Variants in DNAH6 observed in about 807,000 individuals in gnomAD.
The protein encoded by DNAH6 is dynein axonemal heavy chain 6.
DNAH6 carries 340 observed loss-of-function variants against 491.4 expected under a neutral mutation model. The ratio of observed to expected loss-of-function variants is 0.69; its 90% CI spans 0.63 to 0.76. DNAH6 has a LOEUF of 0.76. DNAH6 is among the 30% of genes least tolerant of loss of function. The pLI is 0.00. For synonymous variants in DNAH6, 1,603 were observed against 1,686.1 expected (o/e 0.95, Z 1.21); for missense variants, 4,443 against 4,972.2 (o/e 0.89, Z 3.20).
intron 42 of DNAH6, among the ~76,000 whole-genome samples, chr2:84,683,238 A>C (rs563390352): frequency 1.3e-5 from 2 of 152,202 alleles, no homozygotes; most frequent in Non-Finnish European, 2.9e-5. Context: ...CTGTATGCTT[A>C]GTTCACCACT....
intron 68 of DNAH6, among the ~76,000 whole-genome samples, chr2:84,788,724 T>C: frequency 6.6e-6 from 1 of 152,130 alleles, no homozygotes; most frequent in East Asian, 1.9e-4. Flanking sequence ...GTGGCACCCA[T>C]CCACTGTTCC....
At chr2:84,750,321 C>T (rs1227532413) in intron 63 of DNAH6, among the ~76,000 whole-genome samples, 1 of 151,286 alleles carries the variant, frequency 6.6e-6, no homozygotes, top group Non-Finnish European at 1.5e-5. Context: ...TAGCTGGGAC[C>T]ACAGACATGT....
intron 2 of DNAH6, among the ~76,000 whole-genome samples, chr2:84,524,563 T>G (rs1455271090): frequency 2.6e-5 from 4 of 152,124 alleles, no homozygotes; most frequent in Non-Finnish European, 5.9e-5. Flanking sequence ...GTTTTTGTAT[T>G]GGCTGGTAAT....
At chr2:84,579,936 G>T (rs1259387713) in intron 14 of DNAH6, among the ~76,000 whole-genome samples, 4 of 152,126 alleles carry the variant, frequency 2.6e-5, no homozygotes, top group African/African-American at 9.7e-5. Flanking sequence ...GAAAAGTGTT[G>T]ATATTTATCC....
At chr2:84,567,057 TCTAA>T (rs1428524967) in intron 11 of DNAH6, among the ~76,000 whole-genome samples, 3 of 152,080 alleles carry the variant, frequency 2.0e-5, no homozygotes, top group East Asian at 3.8e-4. Context: ...AAAAGGGTTA[TCTAA>T]CTATGACTTA....
intron 4 of DNAH6, among the ~76,000 whole-genome samples, chr2:84,532,241 G>C (rs1441790472): frequency 6.6e-6 from 1 of 152,090 alleles, no homozygotes; most frequent in African/African-American, 2.4e-5. Context: ...TTGAGTTGAT[G>C]TTTTATACTT....
intron 4 of DNAH6, among the ~76,000 whole-genome samples, chr2:84,529,404 G>A (rs1290352920): frequency 6.6e-6 from 1 of 151,876 alleles, no homozygotes; most frequent in Non-Finnish European, 1.5e-5. Context: ...TTTATGTAAT[G>A]TTATACCATA....
At chr2:84,655,364 A>G (rs764656433) in intron 35 of DNAH6, among the ~76,000 whole-genome samples, 1 of 152,122 alleles carries the variant, frequency 6.6e-6, no homozygotes, top group South Asian at 2.1e-4. Flanking sequence ...ACTCAGTTTC[A>G]TACTACTTTC....
rs144499148 is a variant in DNAH6 at position 84,641,476 on chromosome 2, T to C, written c.4971-471T>C. Reference sequence around the variant, plus strand: ...AGAGACAGACCAATGTGTAGTCATGTAGCTGCAATGCAGGGAGGGCAGCAA... The same window carrying C: ...AGAGACAGACCAATGTGTAGTCATGCAGCTGCAATGCAGGGAGGGCAGCAA... On this transcript the variant is annotated intron_variant, in intron 32 of 76. Transcript: ENST00000389394. 1.2e-3 allele frequency among the ~76,000 whole-genome samples: 180 copies of C among 152,304 alleles called. 1 individual carries two copies. Among genetic ancestry groups the C allele is most frequent in the African/African-American group, 4.1e-3 (170 of 41,554 alleles).
chr2:84,769,651 A>G (rs537233443), intron 64 of DNAH6, among the ~76,000 whole-genome samples: 40 of 152,286 alleles, frequency 2.6e-4, no homozygotes, highest in African/African-American at 8.4e-4. Context: ...ACTAGCTCAC[A>G]GGTCTTAATT....
chr2:84,722,738 CTT>C lies in DNAH6; in HGVS notation c.9908_9909del (p.Phe3303CysfsTer20). 4 of 1,542,096 alleles carry C rather than the reference CTT, an allele frequency of 2.6e-6. No homozygotes were observed. The highest frequency in any genetic ancestry group is 3.5e-6 in the Non-Finnish European group (4 of 1,143,872). On this transcript the variant is annotated frameshift_variant, in exon 60 of 77. Coordinates refer to ENST00000389394, the MANE Select transcript of DNAH6 (RefSeq NM_001370.2). LOFTEE classifies it high-confidence loss of function. The part of the protein sequence containing the change: ...PVATQGSVMY[F>X]VIASLSEIDP... ...TGGCCACTCAAGGCTCTGTAATGTA[CTT>C]TGTCATTGCAAGCCTCTCAGAAATA...
intron 40 of DNAH6, among the ~76,000 whole-genome samples, chr2:84,675,071 T>A (rs1693102724): frequency 1.3e-5 from 2 of 152,172 alleles, no homozygotes; most frequent in Non-Finnish European, 1.5e-5. Context: ...TCCTACTCCT[T>A]CAAGGCCCAT....
At chr2:84,570,786 C>A (rs948684410) in intron 11 of DNAH6, among the ~76,000 whole-genome samples, 1 of 152,190 alleles carries the variant, frequency 6.6e-6, no homozygotes, top group East Asian at 1.9e-4. Context: ...GGGTCCCCTT[C>A]CACGCTGTGG....
intron 21 of DNAH6, among the ~76,000 whole-genome samples, chr2:84,611,185 C>T (rs1686289939): frequency 8.6e-6 from 1 of 115,650 alleles, no homozygotes; most frequent in Non-Finnish European, 1.7e-5. Context: ...TTTCTTCTTC[C>T]AGTCTTCTAT....
intron 18 of DNAH6, among the ~76,000 whole-genome samples, chr2:84,596,003 C>A (rs957115337): frequency 6.6e-6 from 1 of 152,106 alleles, no homozygotes; most frequent in African/African-American, 2.4e-5. Context: ...TTAGGAGGGG[C>A]ATTCAGAGTG....
intron 72 of DNAH6, among the ~76,000 whole-genome samples, chr2:84,810,764 C>G (rs1020895757): frequency 6.6e-6 from 1 of 152,156 alleles, no homozygotes; most frequent in African/African-American, 2.4e-5. Context: ...AGGACAGGTC[C>G]TAGGAGTGAC....
intron 45 of DNAH6, among the ~76,000 whole-genome samples, chr2:84,691,511 C>T (rs1694843165): frequency 6.6e-6 from 1 of 152,212 alleles, no homozygotes; most frequent in African/African-American, 2.4e-5. Context: ...ACAATGGTGC[C>T]TATGGGTCTT....
At chr2:84,612,783 A>T (rs1469653811) in intron 22 of DNAH6, among the ~76,000 whole-genome samples, 1 of 151,988 alleles carries the variant, frequency 6.6e-6, no homozygotes, top group East Asian at 1.9e-4. Context: ...CAGTCTCTCC[A>T]TCCATGATCC....
Position 84,672,381 on chromosome 2 carries a change from G to A in DNAH6, c.6509G>A (p.Arg2170Lys). The A allele has an allele frequency of 6.4e-7, 1 of 1,551,718 alleles. No individual in the cohort carries two copies. The change falls in exon 40 of 77, where the codon AGA becomes AAA. Residue 2170 changes from arginine to lysine, a missense_variant. Arg to Lys is a conservative substitution (Grantham distance 26). This residue lies in a region of DNAH6 where 2,977 missense variants were observed against 3,296.6 expected (regional missense o/e 0.90). Transcript: ENST00000389394. ...VIFVDDLNMPRLDRYGSQPPI... is the reference protein window; with the variant it reads ...VIFVDDLNMPKLDRYGSQPPI... ...TTTGTTGATGATTTAAACATGCCCA[G>A]ACTGGATCGCTATGGCTCTCAGCCT...
Sources: allele counts gnomAD v4.1 joint callset (sites outside exome capture counted in the v4.1 genomes callset), GRCh38; gene constraint gnomAD v4.1.1; regional missense constraint gnomAD v4.1.1; transcripts MANE v1.5; gene names NCBI Gene and HGNC (gene_info 2026-07-23, HGNC 2026-07-21).